Variants in AKAP6 observed in about 807,000 individuals in gnomAD.
The protein encoded by AKAP6 is A-kinase anchor protein 6.
Under a neutral mutation model 188.5 loss-of-function variants are expected in AKAP6, and 58 were observed. That is an observed-to-expected ratio of 0.31 (90% CI 0.25 to 0.38). The LOEUF (loss-of-function observed/expected upper bound fraction) is 0.38, where lower values mean the gene tolerates loss of function less well. AKAP6 is among the 10% of genes least tolerant of loss of function. AKAP6 has a pLI of 1.00. For synonymous variants in AKAP6, 989 were observed against 998.6 expected (o/e 0.99, Z 0.18); for missense variants, 2,710 against 2,740.0 (o/e 0.99, Z 0.24).
chr14:32,570,641 A>C (rs956596731), intron 4 of AKAP6, among the ~76,000 whole-genome samples: 4 of 152,180 alleles, frequency 2.6e-5, no homozygotes, highest in Non-Finnish European at 5.9e-5. Flanking sequence ...GTCCTCATGT[A>C]ATCCCACGGT....
chr14:32,525,044 G>A (rs926720420), intron 2 of AKAP6, among the ~76,000 whole-genome samples: 9 of 152,170 alleles, frequency 5.9e-5, no homozygotes, highest in Admixed American at 2.6e-4. Flanking sequence ...GATGTCTTGG[G>A]GAAGGTATAG....
At chr14:32,406,527 G>T (rs1293428024) in intron 1 of AKAP6, among the ~76,000 whole-genome samples, 1 of 152,192 alleles carries the variant, frequency 6.6e-6, no homozygotes, top group South Asian at 2.1e-4. Flanking sequence ...TTTTTATAAA[G>T]AAAATTTTAA....
At chr14:32,375,660 G>T (rs367866229) in intron 1 of AKAP6, among the ~76,000 whole-genome samples, 2 of 152,312 alleles carry the variant, frequency 1.3e-5, no homozygotes, top group East Asian at 3.9e-4. Flanking sequence ...TATTTGTCAG[G>T]TATGATAAGT....
intron 1 of AKAP6, among the ~76,000 whole-genome samples, chr14:32,333,860 A>T (rs879894016): frequency 2.0e-5 from 3 of 152,282 alleles, no homozygotes; most frequent in Non-Finnish European, 4.4e-5. Context: ...TTTATAAAAG[A>T]TATTCATCAC....
Position 32,822,235 on chromosome 14 carries a change from A to G in AKAP6, c.4422A>G (p.Gln1474=). ...CATTTTATGATTACTCATACCTCCAAGGCTCAAAACTCAAATTACCAATGA... is the reference window on the plus strand; with the variant it reads ...CATTTTATGATTACTCATACCTCCAGGGCTCAAAACTCAAATTACCAATGA... ...VFTFYDYSYL[Q]GSKLKLPMIM... The change falls in exon 13 of 14, where the codon CAA becomes CAG. Residue 1474 remains glutamine, a synonymous_variant. Transcript: ENST00000280979. 2.5e-6 allele frequency: 4 copies of G among 1,613,946 alleles called. No homozygotes were observed. The highest frequency in any genetic ancestry group is 3.4e-6 in the Non-Finnish European group (4 of 1,179,944).
rs1302721353 is a variant in AKAP6, at chr14:32,546,852, G to C, written c.2199G>C (p.Met733Ile). The C allele has an allele frequency of 6.2e-7, 1 of 1,614,038 alleles. No individual in the cohort carries two copies. Residue 733 changes from methionine to isoleucine, a missense_variant, in exon 4 of 14, where the codon ATG (methionine) becomes ATC (isoleucine). Met to Ile is a conservative substitution (Grantham distance 10). Coordinates refer to ENST00000280979, the MANE Select transcript of AKAP6 (RefSeq NM_004274.5). ...DEESSMPLAG[M>I]KKYADEKSER... ...AGTCCAGTATGCCTCTCGCTGGCAT[G>C]AAAAAGTATGCTGATGAGAAGTCAG...
At chr14:32,369,072 C>T (rs116726022) in intron 1 of AKAP6, among the ~76,000 whole-genome samples, 1,880 of 152,038 alleles carry the variant, frequency 0.012, 42 homozygotes, top group African/African-American at 0.042. Context: ...CAGGCATAAA[C>T]TGGGCAAATC....
At chr14:32,513,379 A>G (rs918570681) in intron 2 of AKAP6, among the ~76,000 whole-genome samples, 19 of 152,224 alleles carry the variant, frequency 1.2e-4, no homozygotes, top group Admixed American at 1.1e-3. Flanking sequence ...AACACAGTTA[A>G]TAATCCTAGT....
chr14:32,801,117 A>G (rs2140089254), intron 12 of AKAP6, among the ~76,000 whole-genome samples: 1 of 152,326 alleles, frequency 6.6e-6, no homozygotes, highest in Non-Finnish European at 1.5e-5. Context: ...TAATTGCATT[A>G]TTTAGACCCT....
At chr14:32,571,722 A>G (rs1884497550) in intron 4 of AKAP6, among the ~76,000 whole-genome samples, 2 of 152,134 alleles carry the variant, frequency 1.3e-5, no homozygotes, top group Admixed American at 1.3e-4. Context: ...ATACACTTCC[A>G]AACAGCAAAT....
chr14:32,769,901 A>G (rs1191624031), intron 11 of AKAP6, among the ~76,000 whole-genome samples: 4 of 152,212 alleles, frequency 2.6e-5, no homozygotes, highest in South Asian at 2.1e-4. Context: ...GTATGTGTAT[A>G]CAAGTAAATA....
rs767750314 is a variant in AKAP6, at chr14:32,600,776, G to A, written c.2714G>A (p.Gly905Glu). The A allele has an allele frequency of 9.3e-6, 15 of 1,607,568 alleles. No individual in the cohort carries two copies. Among genetic ancestry groups the A allele is most frequent in the East Asian group, 2.2e-5 (1 of 44,650 alleles). The change falls in exon 7 of 14, where the codon GGG (glycine) becomes GAG (glutamate). Residue 905 changes from glycine (G) to glutamate (E), a missense_variant. Around this residue, in one of 2 missense-constraint regions of AKAP6, gnomAD observed 2,473 missense variants for 2,426.1 expected, o/e 1.02. Transcript: ENST00000280979. The part of the protein sequence containing the change: ...ATDVSVEDEE[G>E]TGSPKAEVQL... The stretch of plus-strand genomic sequence containing the variant: ...GATGTGTCTGTGGAGGATGAGGAAG[G>A]GACTGGAAGCCCCAAGGTAAGTGGC...
chr14:32,385,099 T>G (rs1236748614), intron 1 of AKAP6: 1 of 151,936 alleles, frequency 6.6e-6, no homozygotes. Context: ...CTGGTCTTGC[T>G]TGGCCTTCAC....
At chr14:32,463,754 C>T (rs1412528979) in intron 2 of AKAP6, among the ~76,000 whole-genome samples, 1 of 152,050 alleles carries the variant, frequency 6.6e-6, no homozygotes, top group African/African-American at 2.4e-5. Context: ...CAGAGCAGAA[C>T]TGAAGGAGAT....
intron 1 of AKAP6, among the ~76,000 whole-genome samples, chr14:32,345,871 A>T (rs975228006): frequency 1.3e-5 from 2 of 152,228 alleles, no homozygotes; most frequent in Non-Finnish European, 2.9e-5. Context: ...GGAGAAAGGC[A>T]TATTTCCCTC....
chr14:32,504,758 T>A (rs1399641582), intron 2 of AKAP6, among the ~76,000 whole-genome samples: 1 of 152,246 alleles, frequency 6.6e-6, no homozygotes, highest in Non-Finnish European at 1.5e-5. Context: ...ATTAAGTTAT[T>A]TTGTCACAAT....
intron 1 of AKAP6, among the ~76,000 whole-genome samples, chr14:32,347,927 AG>A (rs1887120042): frequency 6.6e-6 from 1 of 152,246 alleles, no homozygotes; most frequent in Non-Finnish European, 1.5e-5. Flanking sequence ...GATTTTCCAA[AG>A]GTAACTTCAG....
In AKAP6 at chr14:32,361,053, C is replaced by CATATATATATATATATATATATATAT. The variant is rs201231103; in HGVS notation, c.-35+31648_-35+31649insTATATATATATATATATATATATATA. 1.8e-3 allele frequency among the ~76,000 whole-genome samples: 206 copies of CATATATATATATATATATATATATAT among 111,890 alleles called. 17 individuals are homozygous for CATATATATATATATATATATATATAT. Among genetic ancestry groups the CATATATATATATATATATATATATAT allele is most frequent in the East Asian group, 4.6e-3 (13 of 2,804 alleles). The allele number at this position is 111,890 out of a possible 152,430, so 73.4% of individuals were successfully genotyped here. On this transcript the variant is annotated intron_variant, in intron 1 of 13. Coordinates refer to ENST00000280979, the MANE Select transcript of AKAP6 (RefSeq NM_004274.5). ...TGTGAGCCACTGCACAAGGCCTGAA[C>CATATATATATATATATATATATATAT]ATACATATATATATATATTTGAGAA...
chr14:32,815,039 C>T (rs947455852), intron 12 of AKAP6, among the ~76,000 whole-genome samples: 1 of 152,306 alleles, frequency 6.6e-6, no homozygotes, highest in East Asian at 1.9e-4. Context: ...TACTGGACTC[C>T]CTTTTGTCCC....
Sources: allele counts gnomAD v4.1 joint callset (sites outside exome capture counted in the v4.1 genomes callset), GRCh38; gene constraint gnomAD v4.1.1; regional missense constraint gnomAD v4.1.1; transcripts MANE v1.5; gene names NCBI Gene and HGNC (gene_info 2026-07-23, HGNC 2026-07-21).